CENPF: variants seen among roughly 807,000 people sequenced by gnomAD.
CENPF encodes the protein centromere protein F.
CENPF carries 214 observed loss-of-function variants against 307.3 expected under a neutral mutation model. The ratio of observed to expected loss-of-function variants is 0.70; its 90% CI spans 0.62 to 0.78. CENPF has a LOEUF of 0.78. Ranked by LOEUF, CENPF falls within the 30% of genes least tolerant of loss-of-function variation. The pLI, the probability that CENPF is intolerant of heterozygous loss-of-function variation, is 0.00. For missense variants in CENPF, 3,401 were observed against 3,483.9 expected (o/e 0.98, Z 0.60); for synonymous variants, 1,259 against 1,270.6 (o/e 0.99, Z 0.19).
Position 214,657,207 on chromosome 1 carries a change from G to T in CENPF, c.8760G>T (p.Arg2920Ser), listed in dbSNP as rs747149171. The change falls in exon 18 of 20, where the codon AGG becomes AGT. Residue 2920 changes from arginine to serine, a missense_variant. Physicochemically the swap from Arg to Ser is moderately radical, Grantham distance 110. Coordinates refer to ENST00000366955, the MANE Select transcript of CENPF (RefSeq NM_016343.4). Reference protein sequence around the residue: ...PSPIPSVTEKRLSSGQNKASG... With the variant: ...PSPIPSVTEKSLSSGQNKASG... ...CAATCCCTTCTGTTACTGAAAAGAG[G>T]TTATCATCTGGCCAAAATAAAGCTT... 1.9e-6 allele frequency: 3 copies of T among 1,614,020 alleles called. No homozygotes were observed. The highest frequency in any genetic ancestry group is 2.2e-5 in the East Asian group (1 of 44,892).
chr1:214,626,286 T>C (rs1004326431), intron 7 of CENPF, among the ~76,000 whole-genome samples: 4 of 152,212 alleles, frequency 2.6e-5, no homozygotes, highest in African/African-American at 9.6e-5. Flanking sequence ...CTCAGCTCCT[T>C]AGTCAGTCTG....
At chr1:214,609,517 C>T (rs1386032011) in intron 1 of CENPF, among the ~76,000 whole-genome samples, 3 of 151,934 alleles carry the variant, frequency 2.0e-5, no homozygotes, top group Non-Finnish European at 4.4e-5. Flanking sequence ...TGCAGAATAT[C>T]TTGTCATGCA....
At chr1:214,635,518 C>T (rs566699594) in intron 10 of CENPF, among the ~76,000 whole-genome samples, 1 of 152,258 alleles carries the variant, frequency 6.6e-6, no homozygotes, top group East Asian at 1.9e-4. Context: ...ATGCTTAACT[C>T]ATTGTTGATA....
chr1:214,609,653 G>T (rs1410116430), intron 1 of CENPF, among the ~76,000 whole-genome samples: 1 of 152,186 alleles, frequency 6.6e-6, no homozygotes, highest in East Asian at 1.9e-4. Flanking sequence ...CTCATGTCAT[G>T]GGGGATTGTT....
intron 19 of CENPF, among the ~76,000 whole-genome samples, chr1:214,661,861 G>A (rs1658795160): frequency 6.6e-6 from 1 of 151,000 alleles, no homozygotes; most frequent in Non-Finnish European, 1.5e-5. Context: ...GAGACAATTA[G>A]GGTATGCTTG....
In CENPF at chr1:214,657,128, A is replaced by G; in HGVS notation, c.8681A>G (p.Lys2894Arg). ...QVAHLCSQQS[K>R]QDSRGSPLLG... ...GCCCATCTGTGTTCACAGCAATCTA[A>G]ACAAGATTCCCGAGGGTCTCCTTTG... Residue 2894 changes from lysine to arginine, a missense_variant, in exon 18 of 20, where the codon AAA becomes AGA. By Grantham distance (26) the Lys-to-Arg change is conservative (BLOSUM62 2). Transcript: ENST00000366955. 1 of 1,614,222 alleles carries G rather than the reference A, an allele frequency of 6.2e-7. No individual in the cohort carries two copies. Among genetic ancestry groups the G allele is most frequent in the South Asian group, 1.1e-5 (1 of 91,086 alleles).
chr1:214,649,948 C>G (rs1403840328), intron 14 of CENPF, among the ~76,000 whole-genome samples: 1 of 152,190 alleles, frequency 6.6e-6, no homozygotes, highest in Admixed American at 6.5e-5. Flanking sequence ...CCATACCTAT[C>G]CTGTGTTTCC....
chr1:214,637,825 G>C (rs779032849), intron 10 of CENPF, 41 bp from the exon 11 acceptor site: 2 of 1,583,218 alleles, frequency 1.3e-6, no homozygotes, highest in Non-Finnish European at 1.7e-6. Flanking sequence ...ACTTACTTGA[G>C]CATTCGTTTT....
intron 10 of CENPF, among the ~76,000 whole-genome samples, chr1:214,634,288 A>C (rs1171971608): frequency 6.6e-6 from 1 of 152,190 alleles, no homozygotes; most frequent in Non-Finnish European, 1.5e-5. Flanking sequence ...TCATCTTTTG[A>C]GGGTGATAGC....
chr1:214,605,567 G>A (rs117198057), intron 1 of CENPF: 39,126 of 818,388 alleles, frequency 0.048, 1,418 homozygotes, highest in East Asian at 0.12. Context: ...GGGTTGGAGC[G>A]GGGTCCCCTG....
In CENPF at chr1:214,619,170, G is replaced by T. The variant is rs746919842; in HGVS notation, c.523G>T (p.Val175Phe). The T allele has an allele frequency of 2.5e-6, 4 of 1,585,694 alleles. No homozygotes were observed. The highest frequency in any genetic ancestry group is 1.1e-5 in the South Asian group (1 of 89,278). Reference protein sequence around the residue: ...EDLKEKYNKEVEERKRLEAEV... With the variant: ...EDLKEKYNKEFEERKRLEAEV... The stretch of plus-strand genomic sequence containing the variant: ...TCTAAAAGAAAAATATAATAAAGAG[G>T]TTGAAGAACGAAAAAGATTAGAGGC... Residue 175 changes from valine (V) to phenylalanine (F), a missense_variant, in exon 5 of 20, where the codon GTT becomes TTT. Val to Phe is a conservative substitution (Grantham distance 50). Transcript: ENST00000366955.
rs769916950 is a variant in CENPF, at chr1:214,632,457, T to G, written c.1324-23T>G. 3.7e-6 allele frequency: 6 copies of G among 1,603,254 alleles called. No individual in the cohort carries two copies. In the Admixed American group the frequency reaches 1.0e-4, roughly 28 times the overall value. The stretch of plus-strand genomic sequence containing the variant: ...AAAGTAAAGAACATGAAAATGAAAC[T>G]TGGTCTCTTTTTCTTTTTGTAGCTC... On this transcript the variant is annotated intron_variant, in intron 9 of 19. Transcript: ENST00000366955.
chr1:214,607,843 T>C (rs776379298), intron 1 of CENPF, among the ~76,000 whole-genome samples: 80 of 152,246 alleles, frequency 5.3e-4, no homozygotes, highest in Non-Finnish European at 8.5e-4. Context: ...CACCTGACCC[T>C]GCAGGCCCTG....
At chr1:214,605,373 A>G (rs1171105180) in intron 1 of CENPF, 4 of 360,774 alleles carry the variant, frequency 1.1e-5, no homozygotes, top group Non-Finnish European at 2.0e-5. Context: ...GAAACAAGGC[A>G]TAGAGCAGCT....
intron 1 of CENPF, among the ~76,000 whole-genome samples, chr1:214,604,796 G>A (rs1438228923): frequency 1.3e-5 from 2 of 151,886 alleles, no homozygotes; most frequent in African/African-American, 2.4e-5. Context: ...GTAGTTTTGG[G>A]ATAAATGGGA....
Position 214,642,170 on chromosome 1 carries a change from G to A in CENPF, c.3832G>A (p.Glu1278Lys). ...AEEKYISGPHELSTSQNDNAH... is the reference protein window; with the variant it reads ...AEEKYISGPHKLSTSQNDNAH... Reference sequence around the variant, plus strand: ...AGAAAAGTATATTTCAGGGCCTCATGAGTTGTCAACAAGTCAAAACGACAA... The same window carrying A: ...AGAAAAGTATATTTCAGGGCCTCATAAGTTGTCAACAAGTCAAAACGACAA... Residue 1278 changes from glutamate (E) to lysine (K), a missense_variant, in exon 12 of 20, where the codon GAG becomes AAG. Transcript: ENST00000366955. 1 of 1,614,144 alleles carries A rather than the reference G, an allele frequency of 6.2e-7. No individual in the cohort carries two copies. Among genetic ancestry groups the A allele is most frequent in the Non-Finnish European group, 8.5e-7 (1 of 1,180,020 alleles).
At position 214,657,414 on chromosome 1, in the gene CENPF, G is replaced by A; in HGVS notation, c.8962+5G>A. The A allele has an allele frequency of 6.3e-7, 1 of 1,575,102 alleles. No individual in the cohort carries two copies. Among genetic ancestry groups the A allele is most frequent in the Non-Finnish European group, 8.6e-7 (1 of 1,157,710 alleles). On this transcript the variant is annotated splice_donor_5th_base_variant and intron_variant, in intron 18 of 19. Coordinates refer to ENST00000366955, the MANE Select transcript of CENPF (RefSeq NM_016343.4). ...TTCCAGAAGTTGTAAAGAAAGGTAT[G>A]CCTAATTTAAAGACAAAATTATTTG...
chr1:214,641,464 A>C lies in CENPF; in HGVS notation c.3126A>C (p.Lys1042Asn). The change falls in exon 12 of 20, where the codon AAA becomes AAC. Residue 1042 changes from lysine (K) to asparagine (N), a missense_variant. Lys to Asn is a moderately conservative substitution (Grantham distance 94, BLOSUM62 0). Transcript: ENST00000366955. ...ATGCATATGAGGATCTTAGTCAAAA[A>C]TACAAAGCAGCACAGGAAAAGAATT... The part of the protein sequence containing the change: ...TGNAYEDLSQ[K>N]YKAAQEKNSK... 6.5e-7 allele frequency: 1 copy of C among 1,544,030 alleles called. No homozygotes were observed. The highest frequency in any genetic ancestry group is 8.7e-7 in the Non-Finnish European group (1 of 1,154,096).
intron 1 of CENPF, chr1:214,605,500 G>T: frequency 4.0e-4 from 189 of 467,754 alleles, no homozygotes; most frequent in South Asian, 8.5e-4. Context: ...TTTTCTTCTT[G>T]CTTCCAAAAG....
Sources: allele counts gnomAD v4.1 joint callset (sites outside exome capture counted in the v4.1 genomes callset), GRCh38; gene constraint gnomAD v4.1.1; transcripts MANE v1.5; gene names NCBI Gene and HGNC (gene_info 2026-07-23, HGNC 2026-07-21).